The following ZGRF1 variants were observed in gnomAD, a reference collection of about 807,000 sequenced individuals.
ZGRF1 encodes the protein 5'-3' DNA helicase ZGRF1.
In ZGRF1, 196 loss-of-function variants were observed where a neutral mutation model predicts 203.5. The observed-to-expected ratio is 0.96, with a 90% CI of 0.86 to 1.08. The LOEUF is 1.08. Ranked by LOEUF, ZGRF1 falls within the 50% of genes least tolerant of loss-of-function variation. The pLI, the probability that ZGRF1 is intolerant of heterozygous loss-of-function variation, is 0.00. For synonymous variants in ZGRF1, 809 were observed against 841.3 expected (o/e 0.96, Z 0.66); for missense variants, 2,326 against 2,416.3 (o/e 0.96, Z 0.78).
chr4:112,624,975 G>C (rs2047184034), intron 3 of ZGRF1, among the ~76,000 whole-genome samples: 1 of 152,116 alleles, frequency 6.6e-6, no homozygotes, highest in Admixed American at 6.5e-5. Context: ...ATTATGAATG[G>C]ATAAATAAAA....
chr4:112,597,798 C>T (rs911785679), intron 10 of ZGRF1, among the ~76,000 whole-genome samples: 2 of 151,180 alleles, frequency 1.3e-5, no homozygotes, highest in Non-Finnish European at 2.9e-5. Context: ...GCAGGAGAAT[C>T]GCTTAAGCCT....
At chr4:112,571,020 C>T (rs2148940533) in intron 16 of ZGRF1, among the ~76,000 whole-genome samples, 1 of 151,420 alleles carries the variant, frequency 6.6e-6, no homozygotes, top group East Asian at 2.0e-4. Flanking sequence ...AGGAGAATCA[C>T]TTGAACCCAG....
rs372019057 is a variant in ZGRF1, at chr4:112,587,271, T to A, written c.3777+9A>T. ...AAAAATGCACCACAAGACCGGTACA[T>A]TTCCTCACCTGTAAATCCTTTACAC... On this transcript the variant is annotated intron_variant, in intron 12 of 27. Coordinates refer to ENST00000505019, the MANE Select transcript of ZGRF1 (RefSeq NM_018392.5). 1.8e-5 allele frequency: 29 copies of A among 1,590,542 alleles called. No individual in the cohort carries two copies. The African/African-American group carries it at 3.8e-4, about 21-fold the overall frequency.
chr4:112,612,498 C>A (rs1168432895), intron 7 of ZGRF1, 26 bp downstream of exon 7: 4 of 1,453,280 alleles, frequency 2.8e-6, no homozygotes, highest in East Asian at 2.3e-5. Flanking sequence ...ATAAAAAAAA[C>A]ATACTCTTAG....
chr4:112,573,312 A>G (rs1744550303), intron 16 of ZGRF1, among the ~76,000 whole-genome samples: 1 of 152,150 alleles, frequency 6.6e-6, no homozygotes, highest in African/African-American at 2.4e-5. Context: ...TGGAAAAATC[A>G]AACATCGTAT....
chr4:112,568,711 CAAAAA>C (rs76531414), intron 16 of ZGRF1, among the ~76,000 whole-genome samples: 350 of 42,832 alleles, frequency 8.2e-3, no homozygotes, highest in Non-Finnish European at 0.013. Context: ...AACTCTGTCT[CAAAAA>C]AAAAAAAAAA....
chr4:112,594,046 T>A (rs1020433652), intron 10 of ZGRF1, among the ~76,000 whole-genome samples: 2 of 152,070 alleles, frequency 1.3e-5, no homozygotes, highest in African/African-American at 4.8e-5. Context: ...TGAGCCACCG[T>A]CCCCAGCCTA....
intron 16 of ZGRF1, among the ~76,000 whole-genome samples, chr4:112,566,501 TA>T (rs1743113905): frequency 1.3e-5 from 2 of 151,140 alleles, no homozygotes; most frequent in African/African-American, 4.9e-5. Flanking sequence ...AATAATAAAA[TA>T]AAATAAATAA....
At position 112,539,468 on chromosome 4, in the gene ZGRF1, A is replaced by C. The variant is rs1473109869; in HGVS notation, c.*79T>G. 1 of 757,508 alleles carries C rather than the reference A, an allele frequency of 1.3e-6. No homozygotes were observed. Among genetic ancestry groups the C allele is most frequent in the East Asian group, 2.8e-5 (1 of 36,134 alleles). 46.9% of individuals were successfully genotyped at this position (757,508 alleles called of 1,614,324 possible). ...TCATATTTTTAATAAGAGGGTTTAG[A>C]GTAATAAAAATATAAAAAATATATC... On this transcript the variant is annotated 3_prime_UTR_variant, in exon 28 of 28. Coordinates refer to ENST00000505019, the MANE Select transcript of ZGRF1 (RefSeq NM_018392.5).
chr4:112,585,537 A>C lies in ZGRF1; in HGVS notation c.4101+4T>G. The C allele has an allele frequency of 6.2e-7, 1 of 1,606,014 alleles. No homozygotes were observed. ...TATGGTAGGGGGAGGGGAAGCAAGA[A>C]TACCTTATTTGGACCTTCCTTTTTA... On this transcript the variant is annotated splice_donor_region_variant and intron_variant, in intron 14 of 27. Transcript: ENST00000505019.
Position 112,606,020 on chromosome 4 carries a change from G to C in ZGRF1, c.2790C>G (p.Thr930=). The change falls in exon 9 of 28, where the codon ACC becomes ACG. Residue 930 remains threonine (T), a synonymous_variant. Coordinates refer to ENST00000505019, the MANE Select transcript of ZGRF1 (RefSeq NM_018392.5). ...TCACAAATTTTACCTTAGGGTCACA[G>C]GTTTTTCTCTCTATTTGTTTAGGAA... ...AVIPKQIERK[T]CDPKPVEFQG... The C allele has an allele frequency of 6.3e-7, 1 of 1,595,696 alleles. No homozygotes were observed. Among genetic ancestry groups the C allele is most frequent in the Non-Finnish European group, 8.6e-7 (1 of 1,169,106 alleles).
chr4:112,612,654 T>C (rs1358213443), intron 6 of ZGRF1, 66 bp from the exon 7 acceptor site: 4 of 995,282 alleles, frequency 4.0e-6, no homozygotes, highest in African/African-American at 1.6e-5. Context: ...ATTTAACTTA[T>C]TCCTAAAACC....
intron 17 of ZGRF1, 64 bp from the exon 18 acceptor site, chr4:112,562,549 T>C (rs1316624731): frequency 2.1e-6 from 2 of 959,642 alleles, no homozygotes; most frequent in Non-Finnish European, 3.3e-6. Flanking sequence ...AAACTCTGTG[T>C]TAAATGCCCA....
intron 2 of ZGRF1, among the ~76,000 whole-genome samples, 180 bp downstream of exon 2, chr4:112,632,976 G>A (rs1248544344): frequency 2.0e-5 from 3 of 152,222 alleles, no homozygotes; most frequent in African/African-American, 7.2e-5. Context: ...CAATATTTGG[G>A]ATCCTAATGC....
intron 16 of ZGRF1, among the ~76,000 whole-genome samples, chr4:112,578,904 C>T (rs1383662442): frequency 8.2e-6 from 1 of 122,666 alleles, no homozygotes; most frequent in African/African-American, 2.8e-5. Context: ...AGAGGGAATC[C>T]TCCCTAATTC....
chr4:112,612,585 C>T lies in ZGRF1; in HGVS notation c.2606G>A (p.Arg869Lys), dbSNP rs777959300. 6.3e-6 allele frequency: 10 copies of T among 1,590,468 alleles called. 1 individual carries two copies. The East Asian group carries it at 1.6e-4, about 25-fold the overall frequency. ...TYEPDSPPEV[R>K]KPFITVVSPK... ...TGAAACTACTGTAATAAATGGTTTC[C>T]TCACTGTAATGGAGAAAAGAAATAA... Residue 869 changes from arginine (R) to lysine (K), a missense_variant, in exon 7 of 28, where the codon AGG becomes AAG. Transcript: ENST00000505019.
chr4:112,594,968 C>T (rs915132538), intron 10 of ZGRF1, among the ~76,000 whole-genome samples: 5 of 151,960 alleles, frequency 3.3e-5, no homozygotes, highest in Admixed American at 6.6e-5. Context: ...AGGCCAGGTG[C>T]GGTGGCTCAC....
At chr4:112,558,048 C>T in intron 20 of ZGRF1, 102 bp downstream of exon 20, 2 of 915,174 alleles carry the variant, frequency 2.2e-6, no homozygotes, top group Non-Finnish European at 3.4e-6. Flanking sequence ...GCATTCTTGG[C>T]ATAACCAGCA....
chr4:112,582,989 C>G (rs1338390732), intron 15 of ZGRF1, among the ~76,000 whole-genome samples: 1 of 152,124 alleles, frequency 6.6e-6, no homozygotes, highest in Non-Finnish European at 1.5e-5. Context: ...TATTTCCTTT[C>G]TTTTGGATAC....
Sources: gnomAD v4.1 joint callset for allele counts (sites outside exome capture counted in the v4.1 genomes callset) on GRCh38, gnomAD v4.1.1 for gene constraint, MANE v1.5 for transcripts, NCBI Gene and HGNC (gene_info 2026-07-23, HGNC 2026-07-21) for gene names.